KIRREL3: variants seen among roughly 807,000 people sequenced by gnomAD.
KIRREL3 encodes the protein kin of IRRE-like protein 3.
Under a neutral mutation model 89.7 loss-of-function variants are expected in KIRREL3, and 36 were observed. That is an observed-to-expected ratio of 0.40 (90% CI 0.31 to 0.53). KIRREL3 has a LOEUF of 0.53. Among genes scored for constraint, KIRREL3 ranks in the 20% least tolerant of loss-of-function variants. The pLI, the probability that KIRREL3 is intolerant of heterozygous loss-of-function variation, is 0.49. For synonymous variants in KIRREL3, 445 were observed against 441.4 expected (o/e 1.01, Z -0.10); for missense variants, 864 against 1,056.6 (o/e 0.82, Z 2.53).
At position 126,449,320 on chromosome 11, in the gene KIRREL3, G is replaced by C. The variant is rs116098354; in HGVS notation, c.849-163C>G. On this transcript the variant is annotated intron_variant, in intron 7 of 16. Coordinates refer to ENST00000525144, the MANE Select transcript of KIRREL3 (RefSeq NM_032531.4). ...AATCTTCACAGAGGGGCTACTTCAAGGGCTCAGAAAGAGTTGGTTTTGCTC... is the reference window on the plus strand; with the variant it reads ...AATCTTCACAGAGGGGCTACTTCAACGGCTCAGAAAGAGTTGGTTTTGCTC... Among the ~76,000 whole-genome samples the C allele has an allele frequency of 9.5e-3, 1,453 of 152,334 alleles. 26 individuals are homozygous for C. The highest frequency in any genetic ancestry group is 0.031 in the African/African-American group (1,301 of 41,570).
At position 126,513,039 on chromosome 11, in the gene KIRREL3, G is replaced by C. The variant is rs1958276698; in HGVS notation, c.433+8276C>G. ...AGTGAGGGCCGTTTGTCCTGCTTGGGTCTGGAGAGTTTCCAATGCCCTGGG... is the reference window on the plus strand; with the variant it reads ...AGTGAGGGCCGTTTGTCCTGCTTGGCTCTGGAGAGTTTCCAATGCCCTGGG... On this transcript the variant is annotated intron_variant, in intron 4 of 16. Coordinates refer to ENST00000525144, the MANE Select transcript of KIRREL3 (RefSeq NM_032531.4). This position sits in a 1 kb window ranked among gnomAD's most constrained non-coding sequence, Gnocchi z 5.9. Among the ~76,000 whole-genome samples the C allele has an allele frequency of 6.6e-6, 1 of 152,094 alleles. No homozygotes were observed. Among genetic ancestry groups the C allele is most frequent in the African/African-American group, 2.4e-5 (1 of 41,396 alleles).
chr11:126,444,874 A>G (rs1163366889), intron 10 of KIRREL3, 105 bp downstream of exon 10: 1 of 1,476,590 alleles, frequency 6.8e-7, no homozygotes, highest in Non-Finnish European at 9.2e-7. Context: ...GGTGACAGCA[A>G]GGCCCAGAGC....
intron 1 of KIRREL3, among the ~76,000 whole-genome samples, chr11:126,702,838 C>A (rs1022695425): frequency 6.6e-5 from 10 of 152,190 alleles, no homozygotes; most frequent in African/African-American, 2.2e-4. Flanking sequence ...TGAAGAAAGA[C>A]CAACAGGACT....
chr11:126,440,942 C>A, intron 10 of KIRREL3: 2 of 238,486 alleles, frequency 8.4e-6, no homozygotes, highest in South Asian at 1.0e-4. Context: ...GGGGAGGTGT[C>A]TAGATGAAGG....
In KIRREL3 at chr11:126,709,629, G is replaced by T. The variant is rs960666347; in HGVS notation, c.56-146717C>A. ...TGTCCTTATAAAAAGAGAAAATTTGGACACAGAGGTACAGAGGGAAGACCA... is the reference window on the plus strand; with the variant it reads ...TGTCCTTATAAAAAGAGAAAATTTGTACACAGAGGTACAGAGGGAAGACCA... On this transcript the variant is annotated intron_variant, in intron 1 of 16. Transcript: ENST00000525144. The surrounding 1 kb of genome is among the most constrained non-coding windows in gnomAD (Gnocchi z 4.0). 1.3e-5 allele frequency among the ~76,000 whole-genome samples: 2 copies of T among 152,128 alleles called. No homozygotes were observed. The highest frequency in any genetic ancestry group is 4.8e-5 in the African/African-American group (2 of 41,418).
At position 126,578,762 on chromosome 11, in the gene KIRREL3, A is replaced by G. The variant is rs1051516140; in HGVS notation, c.56-15850T>C. On this transcript the variant is annotated intron_variant, in intron 1 of 16. Transcript: ENST00000525144. The surrounding 1 kb of genome is among the most constrained non-coding windows in gnomAD (Gnocchi z 4.9). ...CACCAGTCCTGCTCCTTCTGTCTCA[A>G]TGACTGTCCCCTGTCCCTGGAGATG... is the stretch of plus-strand genomic sequence containing the variant. Among the ~76,000 whole-genome samples the G allele has an allele frequency of 6.6e-6, 1 of 152,074 alleles. No individual in the cohort carries two copies. The highest frequency in any genetic ancestry group is 2.4e-5 in the African/African-American group (1 of 41,410).
chr11:126,572,176 T>C (rs940051481), intron 1 of KIRREL3, among the ~76,000 whole-genome samples: 1 of 152,072 alleles, frequency 6.6e-6, no homozygotes, highest in Non-Finnish European at 1.5e-5. Context: ...GACCAAGAGT[T>C]CCCAAAAGAC....
rs544281538 is a variant in KIRREL3 at position 126,782,675 on chromosome 11, C to A, written c.55+217780G>T. On this transcript the variant is annotated intron_variant, in intron 1 of 16. Coordinates refer to ENST00000525144, the MANE Select transcript of KIRREL3 (RefSeq NM_032531.4). This position sits in a 1 kb window ranked among gnomAD's most constrained non-coding sequence, Gnocchi z 4.1. ...GTTACAGATAAGCAAAAGGAGGGGG[C>A]TAGAATGATCCAGATCCACGTGGTA... Among the ~76,000 whole-genome samples, 10 of 152,056 alleles carry A rather than the reference C, an allele frequency of 6.6e-5. No homozygotes were observed. Among genetic ancestry groups the A allele is most frequent in the Non-Finnish European group, 1.5e-4 (10 of 68,016 alleles).
At chr11:126,467,594 C>T (rs1302700633) in intron 5 of KIRREL3, among the ~76,000 whole-genome samples, 1 of 151,990 alleles carries the variant, frequency 6.6e-6, no homozygotes, top group Non-Finnish European at 1.5e-5. Flanking sequence ...CGCCTCGCTT[C>T]TCCCCGCTAC....
At chr11:126,866,383 C>G (rs1448648972) in intron 1 of KIRREL3, among the ~76,000 whole-genome samples, 2 of 152,180 alleles carry the variant, frequency 1.3e-5, no homozygotes, top group Non-Finnish European at 2.9e-5. Context: ...CATCCTGCAC[C>G]CCTGTAAGAA....
rs113661909 is a variant in KIRREL3 at position 126,641,404 on chromosome 11, C to T, written c.56-78492G>A. Among the ~76,000 whole-genome samples the T allele has an allele frequency of 2.7e-4, 40 of 149,674 alleles. No homozygotes were observed. Among genetic ancestry groups the T allele is most frequent in the African/African-American group, 9.9e-4 (40 of 40,556 alleles). ...TTGGTGGTCACAAAGCTACTTGCCA[C>T]TCTCATCAGATCAGGGTGCAGGGTG... On this transcript the variant is annotated intron_variant, in intron 1 of 16. Coordinates refer to ENST00000525144, the MANE Select transcript of KIRREL3 (RefSeq NM_032531.4). The surrounding 1 kb of genome is among the most constrained non-coding windows in gnomAD (Gnocchi z 5.0).
At chr11:126,804,727 G>A (rs375043852) in intron 1 of KIRREL3, among the ~76,000 whole-genome samples, 59 of 152,246 alleles carry the variant, frequency 3.9e-4, no homozygotes, top group African/African-American at 1.4e-3. Context: ...ATGAGTGTTC[G>A]TAGGCTGAAA....
chr11:126,737,367 G>A (rs1254955805), intron 1 of KIRREL3, among the ~76,000 whole-genome samples: 1 of 152,122 alleles, frequency 6.6e-6, no homozygotes, highest in Non-Finnish European at 1.5e-5. Context: ...GGCAGGGAGA[G>A]GGCGGAGGAG....
chr11:126,652,685 A>G lies in KIRREL3; in HGVS notation c.56-89773T>C, dbSNP rs1001483037. On this transcript the variant is annotated intron_variant, in intron 1 of 16. Coordinates refer to ENST00000525144, the MANE Select transcript of KIRREL3 (RefSeq NM_032531.4). The surrounding 1 kb of genome is among the most constrained non-coding windows in gnomAD (Gnocchi z 4.9). ...TAATCCCCACAGTCTCCCAAACATC[A>G]ATGCTGTCATTACAACCCCATCACC... 2.0e-5 allele frequency among the ~76,000 whole-genome samples: 3 copies of G among 152,146 alleles called. No homozygotes were observed. In the East Asian group the frequency reaches 5.8e-4, roughly 29 times the overall value.
At chr11:126,613,893 T>A (rs1939301) in intron 1 of KIRREL3, among the ~76,000 whole-genome samples, 1 of 118,644 alleles carries the variant, frequency 8.4e-6, no homozygotes, top group African/African-American at 3.4e-5. Context: ...TTTTTTTTTT[T>A]ATTTTTTTCC....
At chr11:126,464,689 A>G (rs1956663041) in intron 5 of KIRREL3, among the ~76,000 whole-genome samples, 1 of 152,232 alleles carries the variant, frequency 6.6e-6, no homozygotes, top group African/African-American at 2.4e-5. Context: ...GGATGCTGCC[A>G]CAAGCCAAGG....
chr11:126,446,760 A>G lies in KIRREL3; in HGVS notation c.1124T>C (p.Val375Ala), dbSNP rs557080173. 4 of 1,598,406 alleles carry G rather than the reference A, an allele frequency of 2.5e-6. No homozygotes were observed. In the East Asian group the frequency reaches 9.0e-5, roughly 36 times the overall value. The change falls in exon 9 of 17, where the codon GTG (valine) becomes GCG (alanine). Residue 375 changes from valine to alanine, a missense_variant and splice_region_variant. Coordinates refer to ENST00000525144, the MANE Select transcript of KIRREL3 (RefSeq NM_032531.4). ...CCGAGGTCTGAGCTGCAGCCTCACC[A>G]CTCCGGAGCCCCGCTTCATCCAGAC... ...TIVWMKRGSGVVLSNEKTLTL... is the reference protein window; with the variant it reads ...TIVWMKRGSGAVLSNEKTLTL...
intron 1 of KIRREL3, among the ~76,000 whole-genome samples, chr11:126,672,568 A>T (rs944193298): frequency 2.0e-5 from 3 of 152,212 alleles, no homozygotes; most frequent in Non-Finnish European, 2.9e-5. Context: ...GGCAGAGGAG[A>T]GGGTTGAATA....
intron 1 of KIRREL3, among the ~76,000 whole-genome samples, chr11:126,887,386 T>C (rs896496246): frequency 6.6e-6 from 1 of 152,096 alleles, no homozygotes; most frequent in African/African-American, 2.4e-5. Context: ...CAAGAAGCAT[T>C]ACTGATTATG....
Sources: gnomAD v4.1 joint callset for allele counts (sites outside exome capture counted in the v4.1 genomes callset) on GRCh38, gnomAD v4.1.1 for gene constraint, Gnocchi (gnomAD v3.1) non-coding constraint, MANE v1.5 for transcripts, NCBI Gene and HGNC (gene_info 2026-07-23, HGNC 2026-07-21) for gene names.